The following KIF1B variants were observed in gnomAD, a reference collection of about 807,000 sequenced individuals.
The protein encoded by KIF1B is kinesin family member 1B, also known as kinesin-like protein KIF1B.
In KIF1B, 76 loss-of-function variants were observed where a neutral mutation model predicts 241.9. The ratio of observed to expected loss-of-function variants is 0.31; its 90% CI spans 0.26 to 0.38. The LOEUF (loss-of-function observed/expected upper bound fraction) is 0.38, where lower values mean the gene tolerates loss of function less well. KIF1B is among the 10% of genes least tolerant of loss of function. The pLI is 1.00. For missense variants in KIF1B, 1,622 were observed against 2,271.4 expected, an observed-to-expected ratio of 0.71 and a Z score of 5.81; for synonymous variants, 750 against 796.7, an observed-to-expected ratio of 0.94 and a Z score of 0.99.
Position 10,365,204 on chromosome 1 carries a change from G to A in KIF1B, c.4471G>A (p.Glu1491Lys). The change falls in exon 42 of 49, where the codon GAG becomes AAG. Residue 1491 changes from glutamate to lysine, a missense_variant. By Grantham distance (56) the Glu-to-Lys change is moderately conservative (BLOSUM62 1). Around this residue, in one of 7 missense-constraint regions of KIF1B, gnomAD observed 357 missense variants for 409.0 expected, o/e 0.87. Transcript: ENST00000676179. This position sits in a 1 kb window ranked among gnomAD's most constrained non-coding sequence, Gnocchi z 4.0. ...WRPRGDSLIL[E>K]HQWELEKLEL... is the part of the protein sequence containing the mutation. ...GCCCCGTGGAGACAGCCTCATCCTT[G>A]AGCACCAGTGGGAGCTGGAGAAGCT... is the stretch of plus-strand genomic sequence containing the variant. 1 of 1,614,038 alleles carries A rather than the reference G, an allele frequency of 6.2e-7. No individual in the cohort carries two copies. The highest frequency in any genetic ancestry group is 8.5e-7 in the Non-Finnish European group (1 of 1,180,004).
chr1:10,294,965 A>G (rs1404987821), intron 17 of KIF1B, 121 bp from the exon 18 acceptor site: 2 of 759,554 alleles, frequency 2.6e-6, no homozygotes, highest in Non-Finnish European at 4.8e-6. Flanking sequence ...AGGGATAAAA[A>G]GAAATCCCTC....
chr1:10,231,372 A>G (rs1646980453), intron 1 of KIF1B, among the ~76,000 whole-genome samples: 1 of 142,536 alleles, frequency 7.0e-6, no homozygotes, highest in South Asian at 2.2e-4. Flanking sequence ...TGGAGAGTTC[A>G]GTGCCCTTTT....
rs185370663 is a variant in KIF1B, at chr1:10,251,445, G to A, written c.107-4802G>A. On this transcript the variant is annotated intron_variant, in intron 2 of 48. Coordinates refer to ENST00000676179, the MANE Select transcript of KIF1B (RefSeq NM_001365951.3). Reference sequence around the variant, plus strand: ...AGGCTGAGTGAAATATGGCTTAAAAGCTTTATTGGCTGGGCGCGGTGGCTC... The same window carrying A: ...AGGCTGAGTGAAATATGGCTTAAAAACTTTATTGGCTGGGCGCGGTGGCTC... Among the ~76,000 whole-genome samples the A allele has an allele frequency of 1.5e-4, 23 of 151,660 alleles. No individual in the cohort carries two copies. In the East Asian group the frequency reaches 3.9e-3, roughly 26 times the overall value.
chr1:10,278,893 G>T (rs1649258222), intron 13 of KIF1B: 1 of 484,544 alleles, frequency 2.1e-6, no homozygotes, highest in Non-Finnish European at 3.7e-6. Context: ...GTTCTAATAA[G>T]ATTTTCAAGG....
intron 22 of KIF1B, chr1:10,305,830 C>T: frequency 9.5e-7 from 1 of 1,052,878 alleles, no homozygotes; most frequent in Non-Finnish European, 1.1e-6. Context: ...CTACATCGTT[C>T]CTCATCTCTT....
intron 22 of KIF1B, chr1:10,304,056 G>A: frequency 2.5e-6 from 4 of 1,611,406 alleles, no homozygotes; most frequent in Non-Finnish European, 3.4e-6. Flanking sequence ...AGAACCGGAA[G>A]CCCCGCTTCC....
chr1:10,292,490 C>A (rs1158515321), intron 17 of KIF1B, among the ~76,000 whole-genome samples: 1 of 152,172 alleles, frequency 6.6e-6, no homozygotes, highest in Admixed American at 6.5e-5. Context: ...GTCGTCTACC[C>A]TGCTTTATAA....
intron 1 of KIF1B, among the ~76,000 whole-genome samples, chr1:10,229,429 A>G (rs1646949608): frequency 6.6e-6 from 1 of 152,162 alleles, no homozygotes. Flanking sequence ...GTACTGTTGT[A>G]AGTGCTAGCA....
chr1:10,234,031 A>G lies in KIF1B; in HGVS notation c.106+1597A>G, dbSNP rs574058709. 3.9e-4 allele frequency among the ~76,000 whole-genome samples: 60 copies of G among 152,260 alleles called. 1 individual carries two copies. Among genetic ancestry groups the G allele is most frequent in the Admixed American group, 7.2e-4 (11 of 15,266 alleles). The stretch of plus-strand genomic sequence containing the variant: ...ACCAAAGAGGGTTGTTTTCAGCACA[A>G]TGCTGAATTCCTAGTGGCTTTTCCA... On this transcript the variant is annotated intron_variant, in intron 2 of 48. Coordinates refer to ENST00000676179, the MANE Select transcript of KIF1B (RefSeq NM_001365951.3).
At chr1:10,355,170 T>C (rs1652931216) in intron 38 of KIF1B, among the ~76,000 whole-genome samples, 1 of 152,232 alleles carries the variant, frequency 6.6e-6, no homozygotes, top group African/African-American at 2.4e-5. Context: ...GTTGGAAGTC[T>C]CAGGAGAGGG....
intron 10 of KIF1B, 57 bp from the exon 11 acceptor site, chr1:10,275,371 C>T: frequency 2.2e-6 from 2 of 924,530 alleles, no homozygotes; most frequent in Non-Finnish European, 1.8e-6. Flanking sequence ...ATTTGCCTTT[C>T]TTGGGAATTT....
chr1:10,218,548 G>A (rs980422508), intron 1 of KIF1B, among the ~76,000 whole-genome samples: 2 of 151,952 alleles, frequency 1.3e-5, no homozygotes, highest in Admixed American at 6.6e-5. Flanking sequence ...AGCCTCCCGA[G>A]TAGCTGGGAT....
In KIF1B at chr1:10,337,524, G is replaced by A; in HGVS notation, c.3413G>A (p.Cys1138Tyr). Residue 1138 changes from cysteine (C) to tyrosine (Y), a missense_variant, in exon 31 of 49, where the codon TGT becomes TAT. Cys to Tyr is a radical substitution (Grantham distance 194). Transcript: ENST00000676179. This position sits in a 1 kb window ranked among gnomAD's most constrained non-coding sequence, Gnocchi z 4.0. Reference protein sequence around the residue: ...GILPEYADIFCQFNFLHRHDE... With the variant: ...GILPEYADIFYQFNFLHRHDE... ...CTCCCAGAGTATGCAGATATCTTCT[G>A]TCAGTTCAAGTAAGCTGCCCCTTTG... 1 of 1,614,230 alleles carries A rather than the reference G, an allele frequency of 6.2e-7. No homozygotes were observed. Among genetic ancestry groups the A allele is most frequent in the Non-Finnish European group, 8.5e-7 (1 of 1,180,044 alleles).
chr1:10,341,983 T>A, intron 32 of KIF1B, 67 bp from the exon 33 acceptor site: 4 of 1,028,548 alleles, frequency 3.9e-6, no homozygotes, highest in Non-Finnish European at 4.6e-6. Context: ...AAATACGTAC[T>A]AAAGTTCTGA....
Position 10,296,993 on chromosome 1 carries a change from C to A in KIF1B, c.1958C>A (p.Pro653His), listed in dbSNP as rs1650299804. Reference sequence around the variant, plus strand: ...GAGAAGACTCCTTCTGCTGAGACCCCCTCTGAGCCTGTGGACTGGACATTT... The same window carrying A: ...GAGAAGACTCCTTCTGCTGAGACCCACTCTGAGCCTGTGGACTGGACATTT... ...EREKTPSAETPSEPVDWTFAQ... is the reference protein window; with the variant it reads ...EREKTPSAETHSEPVDWTFAQ... Residue 653 changes from proline (P) to histidine (H), a missense_variant, in exon 21 of 49, where the codon CCC becomes CAC. Pro to His is a moderately conservative substitution (Grantham distance 77). Transcript: ENST00000676179. 1 of 1,614,016 alleles carries A rather than the reference C, an allele frequency of 6.2e-7. No individual in the cohort carries two copies. The highest frequency in any genetic ancestry group is 8.5e-7 in the Non-Finnish European group (1 of 1,179,948).
At chr1:10,295,008 C>A (rs1238286440) in intron 17 of KIF1B, 78 bp from the exon 18 acceptor site, 1 of 912,904 alleles carries the variant, frequency 1.1e-6, no homozygotes, top group East Asian at 2.4e-5. Flanking sequence ...AGAAGCCTGG[C>A]CTCTTGTAGG....
intron 17 of KIF1B, among the ~76,000 whole-genome samples, 183 bp from the exon 18 acceptor site, chr1:10,294,903 C>T (rs1370545992): frequency 6.6e-6 from 1 of 151,994 alleles, no homozygotes; most frequent in East Asian, 1.9e-4. Context: ...CACTTGGTTC[C>T]GTTTGGTGAG....
chr1:10,347,922 T>G, intron 36 of KIF1B, 95 bp downstream of exon 36: 25 of 1,108,658 alleles, frequency 2.3e-5, no homozygotes, highest in Non-Finnish European at 2.9e-5. Flanking sequence ...TTTTCATCTC[T>G]ATTTCAGAGG....
At chr1:10,306,940 T>A in intron 22 of KIF1B, 1 of 1,045,372 alleles carries the variant, frequency 9.6e-7, no homozygotes, top group Non-Finnish European at 1.2e-6. Flanking sequence ...GGTGATTAGG[T>A]AATACTGTAG....
Sources: allele counts gnomAD v4.1 joint callset (sites outside exome capture counted in the v4.1 genomes callset), GRCh38; gene constraint gnomAD v4.1.1; regional missense constraint gnomAD v4.1.1; non-coding constraint Gnocchi (gnomAD v3.1); transcripts MANE v1.5; gene names NCBI Gene and HGNC (gene_info 2026-07-23, HGNC 2026-07-21).